PBX4: variants seen among roughly 807,000 people sequenced by gnomAD.
The protein encoded by PBX4 is pre-B-cell leukemia transcription factor 4.
Under a neutral mutation model 35.1 loss-of-function variants are expected in PBX4, and 26 were observed. The ratio of observed to expected loss-of-function variants is 0.74; its 90% CI spans 0.54 to 1.03. The LOEUF is 1.03. PBX4 is among the 50% of genes least tolerant of loss of function. The probability of loss-of-function intolerance (pLI) is 0.00; values close to 1 mark genes in which losing one functional copy is unlikely to be tolerated. For missense variants in PBX4, 448 were observed against 504.3 expected (o/e 0.89, Z 1.07); for synonymous variants, 199 against 204.2 (o/e 0.97, Z 0.22).
chr19:19,579,364 G>C (rs989382163), intron 2 of PBX4, among the ~76,000 whole-genome samples: 1 of 151,884 alleles, frequency 6.6e-6, no homozygotes, highest in Non-Finnish European at 1.5e-5. Context: ...AAATCACCCA[G>C]TCTGTGGCAT....
At position 19,570,743 on chromosome 19, in the gene PBX4, C is replaced by A; in HGVS notation, c.284G>T (p.Arg95Met). The change falls in exon 3 of 8, where the codon AGG becomes ATG. Residue 95 changes from arginine (R) to methionine (M), a missense_variant. By Grantham distance (91) the Arg-to-Met change is moderately conservative. Transcript: ENST00000251203. ...DNMLLAEGVCRPEKRGRGGAV... is the reference protein window; with the variant it reads ...DNMLLAEGVCMPEKRGRGGAV... ...TCCTCCTCTTCCTCTCTTCTCGGGC[C>A]TGCACACGCCCTCAGCCAGCAGCAT... 6.2e-7 allele frequency: 1 copy of A among 1,614,158 alleles called. No homozygotes were observed. Among genetic ancestry groups the A allele is most frequent in the East Asian group, 2.2e-5 (1 of 44,888 alleles).
chr19:19,615,610 G>A (rs941259114), intron 1 of PBX4, among the ~76,000 whole-genome samples: 1 of 152,106 alleles, frequency 6.6e-6, no homozygotes, highest in Non-Finnish European at 1.5e-5. Flanking sequence ...TTGAAGAACA[G>A]GCCAGGCACA....
intron 4 of PBX4, among the ~76,000 whole-genome samples, 154 bp from the exon 5 acceptor site, chr19:19,569,738 C>T (rs955089368): frequency 1.1e-4 from 16 of 151,966 alleles, no homozygotes; most frequent in African/African-American, 1.5e-4. Context: ...AGTGAAACCC[C>T]GTTTCTACTA....
chr19:19,587,001 T>C (rs1490530321), intron 2 of PBX4, among the ~76,000 whole-genome samples: 13 of 152,030 alleles, frequency 8.6e-5, no homozygotes, highest in Admixed American at 8.5e-4. Context: ...TAAACAATTT[T>C]CTTTTTCTTT....
At chr19:19,612,031 G>A (rs1316402481) in intron 1 of PBX4, among the ~76,000 whole-genome samples, 1 of 152,110 alleles carries the variant, frequency 6.6e-6, no homozygotes, top group Non-Finnish European at 1.5e-5. Context: ...CACTTTGGGA[G>A]GCTGAGGCAG....
At chr19:19,603,398 A>G (rs1351240441) in intron 1 of PBX4, among the ~76,000 whole-genome samples, 1 of 151,650 alleles carries the variant, frequency 6.6e-6, no homozygotes, top group Non-Finnish European at 1.5e-5. Flanking sequence ...TGCAACCTCC[A>G]CCTCATGGGT....
chr19:19,598,454 T>C (rs1356503144), intron 2 of PBX4, among the ~76,000 whole-genome samples: 3 of 151,828 alleles, frequency 2.0e-5, no homozygotes, highest in Non-Finnish European at 4.4e-5. Flanking sequence ...TGTGCCACCA[T>C]GCCTGGCTAA....
chr19:19,592,068 G>C (rs1011329630), intron 2 of PBX4, among the ~76,000 whole-genome samples: 5 of 151,892 alleles, frequency 3.3e-5, no homozygotes, highest in African/African-American at 1.2e-4. Context: ...GAGGGAGGTG[G>C]GGGGGTGGTT....
chr19:19,605,449 C>T (rs200815736), intron 1 of PBX4, among the ~76,000 whole-genome samples: 35 of 90,400 alleles, frequency 3.9e-4, no homozygotes, highest in African/African-American at 9.7e-4. Context: ...ATAATAATAA[C>T]AATAATAATA....
chr19:19,565,145 C>A, intron 5 of PBX4, 56 bp from the exon 6 acceptor site: 1 of 1,609,808 alleles, frequency 6.2e-7, no homozygotes, highest in Non-Finnish European at 8.5e-7. Flanking sequence ...TGAGACACGA[C>A]GCAGTCTGTG....
At chr19:19,599,425 G>A in intron 1 of PBX4, 60 bp from the exon 2 acceptor site, 1 of 1,431,412 alleles carries the variant, frequency 7.0e-7, no homozygotes, top group Non-Finnish European at 9.8e-7. Context: ...TTGTCCCCAA[G>A]AGTAAAGATC....
In PBX4 at chr19:19,600,816, C is replaced by CA. The variant is rs35643130; in HGVS notation, c.120-1452dup. Among the ~76,000 whole-genome samples the CA allele has an allele frequency of 2.4e-3, 212 of 88,684 alleles. 1 individual carries two copies. The highest frequency in any genetic ancestry group is 4.0e-3 in the Non-Finnish European group (173 of 43,538). 58.2% of individuals were successfully genotyped at this position (88,684 alleles called of 152,430 possible). ...TGGGCAACAGAGAGAGACTCCATCT[C>CA]AAAAAAAAAAAAAAAAAAGAAAGAA... On this transcript the variant is annotated intron_variant, in intron 1 of 7. Coordinates refer to ENST00000251203, the MANE Select transcript of PBX4 (RefSeq NM_025245.3).
chr19:19,567,143 AG>A (rs2061347703), intron 5 of PBX4, among the ~76,000 whole-genome samples: 1 of 152,106 alleles, frequency 6.6e-6, no homozygotes, highest in African/African-American at 2.4e-5. Flanking sequence ...TCCACATGGG[AG>A]GCCCCAGAGG....
chr19:19,609,498 G>A (rs1251636589), intron 1 of PBX4, among the ~76,000 whole-genome samples: 3 of 135,632 alleles, frequency 2.2e-5, no homozygotes, highest in Non-Finnish European at 4.6e-5. Flanking sequence ...GTGGTGAGCC[G>A]AAATCGCGCC....
intron 2 of PBX4, among the ~76,000 whole-genome samples, chr19:19,591,087 A>G (rs2061525314): frequency 6.6e-6 from 1 of 152,154 alleles, no homozygotes; most frequent in Non-Finnish European, 1.5e-5. Context: ...CCTGAGACTG[A>G]GGGGAGGAAA....
At chr19:19,572,696 C>T (rs2061391902) in intron 2 of PBX4, among the ~76,000 whole-genome samples, 1 of 150,700 alleles carries the variant, frequency 6.6e-6, no homozygotes, top group Non-Finnish European at 1.5e-5. Flanking sequence ...GAAACGCCAT[C>T]TCTACTAATT....
intron 2 of PBX4, among the ~76,000 whole-genome samples, chr19:19,590,392 G>A (rs542632543): frequency 6.6e-6 from 1 of 152,052 alleles, no homozygotes; most frequent in East Asian, 1.9e-4. Context: ...GTTGCAGCCT[G>A]TGCCAATACT....
chr19:19,600,439 G>A (rs993856377), intron 1 of PBX4, among the ~76,000 whole-genome samples: 5 of 151,840 alleles, frequency 3.3e-5, no homozygotes, highest in Admixed American at 6.6e-5. Context: ...CAGGAGGATG[G>A]CTTGAGACCA....
chr19:19,590,583 C>A (rs1466898632), intron 2 of PBX4, among the ~76,000 whole-genome samples: 2 of 152,000 alleles, frequency 1.3e-5, no homozygotes, highest in Non-Finnish European at 2.9e-5. Context: ...ATTCTCGCGC[C>A]TCAGCCTCCC....
Sources: allele counts gnomAD v4.1 joint callset (sites outside exome capture counted in the v4.1 genomes callset), GRCh38; gene constraint gnomAD v4.1.1; transcripts MANE v1.5; gene names NCBI Gene and HGNC (gene_info 2026-07-23, HGNC 2026-07-21).